NIFK: variants seen among roughly 807,000 people sequenced by gnomAD.
The protein encoded by NIFK is nucleolar protein interacting with the FHA domain of MKI67.
In NIFK, 16 loss-of-function variants were observed where a neutral mutation model predicts 31.7. The ratio of observed to expected loss-of-function variants is 0.50; its 90% CI spans 0.34 to 0.77. The LOEUF is 0.77. Ranked by LOEUF, NIFK falls within the 30% of genes least tolerant of loss-of-function variation. The pLI is 0.01. For synonymous variants in NIFK, 126 were observed against 123.0 expected, an observed-to-expected ratio of 1.02 and a Z score of -0.16; for missense variants, 341 against 350.4, an observed-to-expected ratio of 0.97 and a Z score of 0.21.
chr2:121,727,878 T>C lies in NIFK; in HGVS notation c.728A>G (p.Glu243Gly). Residue 243 changes from glutamate to glycine, a missense_variant, in exon 7 of 7, where the codon GAG (glutamate) becomes GGG (glycine). Physicochemically the swap from Glu to Gly is moderately conservative, Grantham distance 98. Transcript: ENST00000285814. ...TTCAGCCACTTGAGATTTTCGCCTC[T>C]CCAAAAATGTTGGTGTACAAACTGG... ...PTPVCTPTFL[E>G]RRKSQVAELN... 1 of 1,604,634 alleles carries C rather than the reference T, an allele frequency of 6.2e-7. No homozygotes were observed. The highest frequency in any genetic ancestry group is 2.2e-5 in the East Asian group (1 of 44,756).
Position 121,727,389 on chromosome 2 carries a change from A to G in NIFK, c.*335T>C, listed in dbSNP as rs547449282. ...GGTGGTCTTTAATTGCTGGCGACAGAAAAGGCTGCAGTTTAGTACTTAAAC... is the reference window on the plus strand; with the variant it reads ...GGTGGTCTTTAATTGCTGGCGACAGGAAAGGCTGCAGTTTAGTACTTAAAC... On this transcript the variant is annotated 3_prime_UTR_variant, in exon 7 of 7. Transcript: ENST00000285814. The G allele has an allele frequency of 2.0e-6, 1 of 501,052 alleles. No individual in the cohort carries two copies. The highest frequency in any genetic ancestry group is 1.5e-5 in the South Asian group (1 of 64,762). The allele number at this position is 501,052 out of a possible 1,614,324, so 31.0% of individuals were successfully genotyped here. A position where few individuals can be genotyped will look rare whatever the true frequency, so the allele number is the denominator to read the frequency against.
chr2:121,727,051 T>A lies in NIFK; in HGVS notation c.*673A>T. 5.9e-6 allele frequency: 1 copy of A among 168,514 alleles called. No homozygotes were observed. 10.4% of individuals were successfully genotyped at this position (168,514 alleles called of 1,614,324 possible). On this transcript the variant is annotated 3_prime_UTR_variant, in exon 7 of 7. Transcript: ENST00000285814. ...GTCCTACTCGCAAACAAATACATTG[T>A]AGAAAAAAGTTTAATTGCTGGTTAT... is the stretch of plus-strand genomic sequence containing the variant.
intron 1 of NIFK, among the ~76,000 whole-genome samples, chr2:121,736,489 T>C (rs2074581283): frequency 6.6e-6 from 1 of 152,184 alleles, no homozygotes; most frequent in South Asian, 2.1e-4. Context: ...ACCCTCCACA[T>C]GAAGGCTCCA....
chr2:121,727,029 C>G lies in NIFK; in HGVS notation c.*695G>C, dbSNP rs1482161917. 6.2e-6 allele frequency: 1 copy of G among 162,014 alleles called. No individual in the cohort carries two copies. The highest frequency in any genetic ancestry group is 1.3e-5 in the Non-Finnish European group (1 of 74,276). The allele number at this position is 162,014 out of a possible 1,614,324, so 10.0% of individuals were successfully genotyped here. On this transcript the variant is annotated 3_prime_UTR_variant, in exon 7 of 7. Coordinates refer to ENST00000285814, the MANE Select transcript of NIFK (RefSeq NM_032390.5). Reference sequence around the variant, plus strand: ...TTTTTTTCCCAATGACTCCCAAGTCCTACTCGCAAACAAATACATTGTAGA... The same window carrying G: ...TTTTTTTCCCAATGACTCCCAAGTCGTACTCGCAAACAAATACATTGTAGA...
At position 121,730,919 on chromosome 2, in the gene NIFK, C is replaced by CT; in HGVS notation, c.537dup (p.Gly180ArgfsTer3). 3 of 1,611,778 alleles carry CT rather than the reference C, an allele frequency of 1.9e-6. No homozygotes were observed. Among genetic ancestry groups the CT allele is most frequent in the Non-Finnish European group, 2.5e-6 (3 of 1,178,188 alleles). Reference sequence around the variant, plus strand: ...AAAGAAGGAAAATCATAGTCAATTCCTTTTTTAGCTAATTTCTTCCTGAGT... The same window carrying CT: ...AAAGAAGGAAAATCATAGTCAATTCCTTTTTTTAGCTAATTTCTTCCTGAGT... On this transcript the variant is annotated frameshift_variant, in exon 4 of 7. Transcript: ENST00000285814. LOFTEE classifies it high-confidence loss of function.
Position 121,728,179 on chromosome 2 carries a change from G to A in NIFK, c.693+109C>T, listed in dbSNP as rs2074505535. On this transcript the variant is annotated intron_variant, in intron 6 of 6. Transcript: ENST00000285814. ...AATCAACAATAAAGATCTACCAAAT[G>A]TCACAATATTTAATTTGAAATCTTA... 3 of 787,440 alleles carry A rather than the reference G, an allele frequency of 3.8e-6. No individual in the cohort carries two copies. In the South Asian group the frequency reaches 5.5e-5, roughly 14 times the overall value. The allele number at this position is 787,440 out of a possible 1,614,324, so 48.8% of individuals were successfully genotyped here.
intron 4 of NIFK, chr2:121,730,590 T>C (rs754307565): frequency 2.0e-4 from 62 of 309,892 alleles, no homozygotes; most frequent in Admixed American, 3.9e-4. Context: ...ATGCCTATTA[T>C]TCCAACACTT....
At chr2:121,734,744 A>C (rs1317128317) in intron 2 of NIFK, among the ~76,000 whole-genome samples, 1 of 152,166 alleles carries the variant, frequency 6.6e-6, no homozygotes, top group Non-Finnish European at 1.5e-5. Flanking sequence ...CAGTGAGCTG[A>C]GATTGTACCA....
At chr2:121,728,597 T>C (rs2074512694) in intron 4 of NIFK, 61 bp from the exon 5 acceptor site, 1 of 904,448 alleles carries the variant, frequency 1.1e-6, no homozygotes, top group African/African-American at 1.7e-5. Flanking sequence ...TAGCATTAGA[T>C]CCTCATATAT....
chr2:121,728,368 T>A lies in NIFK; in HGVS notation c.625-12A>T. On this transcript the variant is annotated splice_polypyrimidine_tract_variant and intron_variant, in intron 5 of 6. Coordinates refer to ENST00000285814, the MANE Select transcript of NIFK (RefSeq NM_032390.5). ...TTCTTACGTAAAACCTTAAAATAAA[T>A]TTTAAAACACATCAATTTGAATATT... is the stretch of plus-strand genomic sequence containing the variant. The A allele has an allele frequency of 6.4e-7, 1 of 1,567,110 alleles. No individual in the cohort carries two copies. Among genetic ancestry groups the A allele is most frequent in the Non-Finnish European group, 8.8e-7 (1 of 1,139,726 alleles).
rs2074497852 is a variant in NIFK at position 121,727,299 on chromosome 2, G to A, written c.*425C>T. ...CTTCCAGCTTCAACCATCTGATGTT[G>A]AAATCTAAAGCACCTCCATGAGTTA... On this transcript the variant is annotated 3_prime_UTR_variant, in exon 7 of 7. Coordinates refer to ENST00000285814, the MANE Select transcript of NIFK (RefSeq NM_032390.5). 1 of 399,296 alleles carries A rather than the reference G, an allele frequency of 2.5e-6. No homozygotes were observed. Among genetic ancestry groups the A allele is most frequent in the Non-Finnish European group, 5.1e-6 (1 of 195,172 alleles). The allele number at this position is 399,296 out of a possible 1,614,324, so 24.7% of individuals were successfully genotyped here.
Position 121,731,090 on chromosome 2 carries a change from G to T in NIFK, c.367C>A (p.Pro123Thr). 6.4e-7 allele frequency: 1 copy of T among 1,574,162 alleles called. No homozygotes were observed. The change falls in exon 4 of 7, where the codon CCT (proline) becomes ACT (threonine). Residue 123 changes from proline (P) to threonine (T), a missense_variant. Transcript: ENST00000285814. ...AAGAGTTCTTTATGTACTTTTTCAGGTGGCATAAAATGACCTATTTTCAAA... is the reference window on the plus strand; with the variant it reads ...AAGAGTTCTTTATGTACTTTTTCAGTTGGCATAAAATGACCTATTTTCAAA... ...ERLLECHFMP[P>T]EKVHKELFKD... is the part of the protein sequence containing the mutation.
In NIFK at chr2:121,735,534, T is replaced by A. The variant is rs77863299; in HGVS notation, c.243+79A>T. 4 of 1,403,316 alleles carry A rather than the reference T, an allele frequency of 2.9e-6. No individual in the cohort carries two copies. In the East Asian group the frequency reaches 9.1e-5, roughly 32 times the overall value. 86.9% of individuals were successfully genotyped at this position (1,403,316 alleles called of 1,614,324 possible). A position where few individuals can be genotyped will look rare whatever the true frequency, so the allele number is the denominator to read the frequency against. On this transcript the variant is annotated intron_variant, in intron 2 of 6. Coordinates refer to ENST00000285814, the MANE Select transcript of NIFK (RefSeq NM_032390.5). Reference sequence around the variant, plus strand: ...ATGAAATCTGATAAGCAATAATGTATGCGTGAACGTGCTCTTTAATGTCAA... The same window carrying A: ...ATGAAATCTGATAAGCAATAATGTAAGCGTGAACGTGCTCTTTAATGTCAA...
intron 1 of NIFK, 135 bp from the exon 2 acceptor site, chr2:121,735,885 A>G: frequency 1.4e-6 from 1 of 690,912 alleles, no homozygotes; most frequent in Non-Finnish European, 2.4e-6. Context: ...CTGGCTGTTT[A>G]GTGTTTCTCT....
At chr2:121,729,367 C>CAAAAAA (rs966976474) in intron 4 of NIFK, among the ~76,000 whole-genome samples, 1 of 62,138 alleles carries the variant, frequency 1.6e-5, no homozygotes, top group Non-Finnish European at 3.7e-5. Context: ...GACTCCATCT[C>CAAAAAA]AAAAAAAAAA....
chr2:121,728,181 C>T (rs758678038), intron 6 of NIFK, 107 bp downstream of exon 6: 6 of 797,726 alleles, frequency 7.5e-6, no homozygotes, highest in Non-Finnish European at 1.2e-5. Flanking sequence ...TACCAAATGT[C>T]ACAATATTTA....
chr2:121,735,511 G>T, intron 2 of NIFK, 102 bp downstream of exon 2: 1 of 1,257,062 alleles, frequency 8.0e-7, no homozygotes, highest in Non-Finnish European at 1.1e-6. Flanking sequence ...TTTTTGGAAT[G>T]AAATCTGATA....
In NIFK at chr2:121,728,288, C is replaced by T. The variant is rs1277489425; in HGVS notation, c.693G>A (p.Gln231=). The change falls in exon 6 of 7, where the codon CAG becomes CAA. Residue 231 remains glutamine, a splice_region_variant and synonymous_variant. Transcript: ENST00000285814. Reference sequence around the variant, plus strand: ...TCTGGAGTATTGAAAACCATTTTACCTGGCTATCCACAGTCTTCTCAGGAG... The same window carrying T: ...TCTGGAGTATTGAAAACCATTTTACTTGGCTATCCACAGTCTTCTCAGGAG... ...LDTPEKTVDS[Q]GPTPVCTPTF... 1 of 1,590,646 alleles carries T rather than the reference C, an allele frequency of 6.3e-7. No homozygotes were observed. The highest frequency in any genetic ancestry group is 2.2e-5 in the East Asian group (1 of 44,602).
At position 121,727,559 on chromosome 2, in the gene NIFK, G is replaced by A; in HGVS notation, c.*165C>T. Reference sequence around the variant, plus strand: ...TATGCACCCCTGTATTTCAGCCAAGGGCAGGCAATCCAAAATTACACACTG... The same window carrying A: ...TATGCACCCCTGTATTTCAGCCAAGAGCAGGCAATCCAAAATTACACACTG... On this transcript the variant is annotated 3_prime_UTR_variant, in exon 7 of 7. Coordinates refer to ENST00000285814, the MANE Select transcript of NIFK (RefSeq NM_032390.5). 1.4e-6 allele frequency: 1 copy of A among 725,314 alleles called. No individual in the cohort carries two copies. Among genetic ancestry groups the A allele is most frequent in the Non-Finnish European group, 2.5e-6 (1 of 401,454 alleles). The allele number at this position is 725,314 out of a possible 1,614,324, so 44.9% of individuals were successfully genotyped here. A position where few individuals can be genotyped will look rare whatever the true frequency, so the allele number is the denominator to read the frequency against.
Sources: allele counts gnomAD v4.1 joint callset (sites outside exome capture counted in the v4.1 genomes callset), GRCh38; gene constraint gnomAD v4.1.1; transcripts MANE v1.5; gene names NCBI Gene and HGNC (gene_info 2026-07-23, HGNC 2026-07-21).